Variants in BICD1 observed in about 807,000 individuals in gnomAD.
The protein encoded by BICD1 is protein bicaudal D homolog 1.
BICD1 carries 35 observed loss-of-function variants against 92.5 expected under a neutral mutation model. The observed-to-expected ratio is 0.38, with a 90% CI of 0.29 to 0.50. BICD1 has a LOEUF of 0.50. BICD1 is among the 20% of genes least tolerant of loss of function. BICD1 has a pLI of 0.93. For missense variants in BICD1, 950 were observed against 1,189.8 expected, an observed-to-expected ratio of 0.80 and a Z score of 2.97; for synonymous variants, 429 against 465.1, an observed-to-expected ratio of 0.92 and a Z score of 1.00.
chr12:32,209,205 T>A (rs938221178), intron 1 of BICD1, among the ~76,000 whole-genome samples: 2 of 152,208 alleles, frequency 1.3e-5, no homozygotes, highest in Non-Finnish European at 2.9e-5. Flanking sequence ...CATGCCTTAA[T>A]AAGGATTTTT....
intron 1 of BICD1, among the ~76,000 whole-genome samples, chr12:32,113,266 A>G (rs1941764025): frequency 6.6e-6 from 1 of 152,148 alleles, no homozygotes; most frequent in Admixed American, 6.5e-5. Context: ...GTGGAAAGTG[A>G]GGAAGACAGT....
At chr12:32,331,318 T>TTACA (rs1937858878) in intron 5 of BICD1, among the ~76,000 whole-genome samples, 1 of 152,126 alleles carries the variant, frequency 6.6e-6, no homozygotes, top group African/African-American at 2.4e-5. Flanking sequence ...CTGTAGCTGT[T>TTACA]TACAAGACAG....
At chr12:32,133,467 G>A (rs891205861) in intron 1 of BICD1, among the ~76,000 whole-genome samples, 11 of 151,400 alleles carry the variant, frequency 7.3e-5, no homozygotes, top group Middle Eastern at 3.2e-3. Flanking sequence ...CAGCCTGGGC[G>A]ACAGAACAAG....
At chr12:32,142,496 A>ATCTATCTATCGG (rs1555134359) in intron 1 of BICD1, among the ~76,000 whole-genome samples, 1 of 73,294 alleles carries the variant, frequency 1.4e-5, no homozygotes, top group Non-Finnish European at 2.8e-5. Flanking sequence ...CTATTGGTCT[A>ATCTATCTATCGG]TCTATCTAGA....
At chr12:32,174,934 C>T (rs558986608) in intron 1 of BICD1, among the ~76,000 whole-genome samples, 6 of 152,062 alleles carry the variant, frequency 3.9e-5, no homozygotes, top group Admixed American at 6.5e-5. Flanking sequence ...TTTAAATATG[C>T]GTTTTGTTGT....
intron 2 of BICD1, among the ~76,000 whole-genome samples, chr12:32,263,688 T>C (rs530993792): frequency 3.3e-5 from 5 of 152,204 alleles, no homozygotes; most frequent in Non-Finnish European, 7.3e-5. Context: ...ACTCCAAAAG[T>C]TCATTCATAA....
At chr12:32,269,077 T>C (rs1363840814) in intron 2 of BICD1, among the ~76,000 whole-genome samples, 1 of 152,226 alleles carries the variant, frequency 6.6e-6, no homozygotes, top group Non-Finnish European at 1.5e-5. Flanking sequence ...CCATGTGATG[T>C]TGATACTGCT....
At chr12:32,223,515 T>TAAAA (rs1945595755) in intron 2 of BICD1, among the ~76,000 whole-genome samples, 1 of 102,920 alleles carries the variant, frequency 9.7e-6, no homozygotes, top group African/African-American at 4.2e-5. Flanking sequence ...AGACTTTGTC[T>TAAAA]CAAAAAAAAA....
rs911644985 is a variant in BICD1 at position 32,198,175 on chromosome 12, A to G, written c.214-18072A>G. Among the ~76,000 whole-genome samples, 5 of 151,884 alleles carry G rather than the reference A, an allele frequency of 3.3e-5. 1 individual carries two copies. The highest frequency in any genetic ancestry group is 6.4e-3 in the Middle Eastern group (2 of 314). Reference sequence around the variant, plus strand: ...AGCTGAGATCGTGCCATTGTACTCCAGCCTGGGCATCAAGAGCAAAACTTC... The same window carrying G: ...AGCTGAGATCGTGCCATTGTACTCCGGCCTGGGCATCAAGAGCAAAACTTC... On this transcript the variant is annotated intron_variant, in intron 1 of 9. Coordinates refer to ENST00000652176, the MANE Select transcript of BICD1 (RefSeq NM_001714.4).
chr12:32,307,719 A>G (rs988730055), intron 4 of BICD1, among the ~76,000 whole-genome samples: 1 of 152,238 alleles, frequency 6.6e-6, no homozygotes, highest in Non-Finnish European at 1.5e-5. Flanking sequence ...TGATTTGTTA[A>G]CAGGTTTATT....
intron 1 of BICD1, among the ~76,000 whole-genome samples, chr12:32,182,930 TGTTGACAAGGCTG>T (rs1944321313): frequency 6.7e-6 from 1 of 148,562 alleles, no homozygotes; most frequent in Non-Finnish European, 1.5e-5. Flanking sequence ...TGTCTTGCTC[TGTTGACAAGGCTG>T]GAATGCAGTG....
At chr12:32,186,055 C>G (rs1413841189) in intron 1 of BICD1, among the ~76,000 whole-genome samples, 2 of 152,224 alleles carry the variant, frequency 1.3e-5, no homozygotes, top group African/African-American at 4.8e-5. Context: ...CAAATTGCTG[C>G]ATAGAGGCAA....
At chr12:32,110,143 C>T (rs1941632008) in intron 1 of BICD1, among the ~76,000 whole-genome samples, 1 of 152,188 alleles carries the variant, frequency 6.6e-6, no homozygotes, top group South Asian at 2.1e-4. Context: ...TCAGTCTTTG[C>T]AGATCATTTT....
chr12:32,377,689 C>A lies in BICD1; in HGVS notation c.*62C>A. On this transcript the variant is annotated 3_prime_UTR_variant, in exon 10 of 10. Transcript: ENST00000652176. ...TTTTGTAGCCACACACAGGATACTG[C>A]CCAAGATCCAGCGGGTGTTTTCTTC... The A allele has an allele frequency of 7.1e-7, 1 of 1,402,578 alleles. No homozygotes were observed. Among genetic ancestry groups the A allele is most frequent in the Non-Finnish European group, 1.0e-6 (1 of 988,192 alleles). 86.9% of individuals were successfully genotyped at this position (1,402,578 alleles called of 1,614,324 possible).
intron 1 of BICD1, among the ~76,000 whole-genome samples, chr12:32,128,198 C>T (rs539047033): frequency 6.6e-6 from 1 of 152,320 alleles, no homozygotes; most frequent in East Asian, 1.9e-4. Flanking sequence ...GCCACCGCAC[C>T]CGGCCTGAGC....
intron 1 of BICD1, among the ~76,000 whole-genome samples, chr12:32,121,319 A>C (rs892672721): frequency 6.6e-6 from 1 of 151,334 alleles, no homozygotes; most frequent in Non-Finnish European, 1.5e-5. Flanking sequence ...TTAAAAACTA[A>C]TGGTGGCTCA....
intron 2 of BICD1, among the ~76,000 whole-genome samples, chr12:32,265,547 G>GAA (rs11341415): frequency 2.2e-4 from 28 of 125,744 alleles, no homozygotes; most frequent in South Asian, 1.6e-3. Flanking sequence ...CGTTTCTACA[G>GAA]AAAAAAAAAA....
rs1491521928 is a variant in BICD1 at position 32,376,887 on chromosome 12, G to GC, written c.2841-653_2841-652insC. Among the ~76,000 whole-genome samples the GC allele has an allele frequency of 3.1e-3, 395 of 127,066 alleles. 5 individuals are homozygous for GC. The highest frequency in any genetic ancestry group is 0.03 in the Admixed American group (365 of 12,030). 83.4% of individuals were successfully genotyped at this position (127,066 alleles called of 152,430 possible). A position where few individuals can be genotyped will look rare whatever the true frequency, so the allele number is the denominator to read the frequency against. ...CATCTAAAAAAAAAAGGGGGGGGGG[G>GC]GTGAAATATAAAACTCTTCCTTATA... On this transcript the variant is annotated intron_variant, in intron 9 of 9. Transcript: ENST00000652176.
intron 3 of BICD1, among the ~76,000 whole-genome samples, chr12:32,294,667 T>C (rs1947816778): frequency 6.7e-6 from 1 of 149,256 alleles, no homozygotes; most frequent in Non-Finnish European, 1.5e-5. Context: ...TAAGCTTGTC[T>C]ATGAGCTTAG....
Sources: gnomAD v4.1 joint callset for allele counts (sites outside exome capture counted in the v4.1 genomes callset) on GRCh38, gnomAD v4.1.1 for gene constraint, MANE v1.5 for transcripts, NCBI Gene and HGNC (gene_info 2026-07-23, HGNC 2026-07-21) for gene names.